The following DNMT3B variants were observed in gnomAD, a reference collection of about 807,000 sequenced individuals.
DNMT3B encodes the protein DNA (cytosine-5)-methyltransferase 3B.
DNMT3B carries 37 observed loss-of-function variants against 120.2 expected under a neutral mutation model. The ratio of observed to expected loss-of-function variants is 0.31; its 90% CI spans 0.24 to 0.40. The LOEUF is 0.40. Ranked by LOEUF, DNMT3B falls within the 10% of genes least tolerant of loss-of-function variation. DNMT3B has a pLI of 1.00. For missense variants in DNMT3B, 878 were observed against 1,137.3 expected (o/e 0.77, Z 3.28); for synonymous variants, 412 against 442.8 (o/e 0.93, Z 0.87).
chr20:32,781,005 A>G lies in DNMT3B; in HGVS notation c.143-348A>G, dbSNP rs555374682. Among the ~76,000 whole-genome samples the G allele has an allele frequency of 3.3e-5, 5 of 152,324 alleles. No individual in the cohort carries two copies. The South Asian group carries it at 1.0e-3, about 32-fold the overall frequency. ...CCACAATAGCCACACTCTACATGGG[A>G]GCACTTGAGAAGCGGCTGACACAGC... On this transcript the variant is annotated intron_variant, in intron 2 of 22. Coordinates refer to ENST00000328111, the MANE Select transcript of DNMT3B (RefSeq NM_006892.4).
chr20:32,765,422 C>CTTTTTTTT lies in DNMT3B; in HGVS notation c.-7+2726_-7+2727insTTTTTTTT, dbSNP rs201623266. Reference sequence around the variant, plus strand: ...GTGAGCATTTTCTTTCTCTTTTTTTCTTTCTTTTTTTTTTTTTTGAGACAG... The same window carrying CTTTTTTTT: ...GTGAGCATTTTCTTTCTCTTTTTTTCTTTTTTTTTTTCTTTTTTTTTTTTTTGAGACAG... On this transcript the variant is annotated intron_variant, in intron 1 of 22. Coordinates refer to ENST00000328111, the MANE Select transcript of DNMT3B (RefSeq NM_006892.4). Among the ~76,000 whole-genome samples the CTTTTTTTT allele has an allele frequency of 7.4e-5, 9 of 121,308 alleles. 1 individual carries two copies. Among genetic ancestry groups the CTTTTTTTT allele is most frequent in the Non-Finnish European group, 9.7e-5 (6 of 61,856 alleles). 79.6% of individuals were successfully genotyped at this position (121,308 alleles called of 152,430 possible). A position where few individuals can be genotyped will look rare whatever the true frequency, so the allele number is the denominator to read the frequency against.
In DNMT3B at chr20:32,774,638, A is replaced by G. The variant is rs529174547; in HGVS notation, c.-6-5680A>G. Reference sequence around the variant, plus strand: ...CGAAAGAGTGAACGTTGTACCTGATAGGTGATTTTTCAACCCTTGCTCCTT... The same window carrying G: ...CGAAAGAGTGAACGTTGTACCTGATGGGTGATTTTTCAACCCTTGCTCCTT... On this transcript the variant is annotated intron_variant, in intron 1 of 22. Transcript: ENST00000328111. Among the ~76,000 whole-genome samples the G allele has an allele frequency of 4.7e-5, 7 of 149,976 alleles. No homozygotes were observed. In the East Asian group the frequency reaches 9.9e-4, roughly 21 times the overall value.
rs756372643 is a variant in DNMT3B, at chr20:32,786,567, C to T, written c.372C>T (p.Thr124=). Residue 124 remains threonine, a synonymous_variant, in exon 5 of 23, where the codon ACC becomes ACT. Coordinates refer to ENST00000328111, the MANE Select transcript of DNMT3B (RefSeq NM_006892.4). ...GGCACAGGCCTTCCCCACGTTCCAC[C>T]CGAGGCCGGCAGGGCCGCAACCATG... ...RERHRPSPRS[T]RGRQGRNHVD... 9 of 1,613,894 alleles carry T rather than the reference C, an allele frequency of 5.6e-6. No individual in the cohort carries two copies. In the Admixed American group the frequency reaches 1.3e-4, roughly 24 times the overall value.
intron 20 of DNMT3B, among the ~76,000 whole-genome samples, chr20:32,803,784 A>G (rs1298736288): frequency 6.6e-6 from 1 of 152,160 alleles, no homozygotes; most frequent in East Asian, 1.9e-4. Flanking sequence ...AGAGCACCCT[A>G]GGTGGGGTGG....
intron 1 of DNMT3B, among the ~76,000 whole-genome samples, chr20:32,774,217 C>CT (rs1162361432): frequency 2.9e-3 from 420 of 146,964 alleles, no homozygotes; most frequent in African/African-American, 8.7e-3. Flanking sequence ...TCTTTTTTTT[C>CT]TTTTTTTTTT....
intron 3 of DNMT3B, among the ~76,000 whole-genome samples, chr20:32,781,986 G>A (rs1978679687): frequency 6.6e-6 from 1 of 152,220 alleles, no homozygotes; most frequent in Non-Finnish European, 1.5e-5. Flanking sequence ...CCAAAGAGAA[G>A]CCATGAAGTG....
chr20:32,795,274 T>C (rs938557816), intron 10 of DNMT3B, 135 bp from the exon 11 acceptor site: 2 of 1,371,802 alleles, frequency 1.5e-6, no homozygotes, highest in African/African-American at 1.4e-5. Flanking sequence ...CAAGGGGCCA[T>C]ATACATTCAG....
chr20:32,802,292 T>C (rs1000429879), intron 19 of DNMT3B, 93 bp from the exon 20 acceptor site: 2 of 1,338,062 alleles, frequency 1.5e-6, no homozygotes, highest in African/African-American at 1.4e-5. Context: ...GCCTCATCCA[T>C]AGTCAGGGAA....
intron 14 of DNMT3B, among the ~76,000 whole-genome samples, chr20:32,798,009 G>A (rs999530658): frequency 3.2e-4 from 48 of 152,008 alleles, no homozygotes; most frequent in African/African-American, 1.1e-3. Flanking sequence ...TGTAATAAAC[G>A]CTGCCTCGGC....
chr20:32,778,510 A>G (rs556534119), intron 1 of DNMT3B, among the ~76,000 whole-genome samples: 2 of 152,314 alleles, frequency 1.3e-5, no homozygotes, highest in Middle Eastern at 3.4e-3. Flanking sequence ...CCACACAGGG[A>G]GTAGCAGCAG....
Position 32,787,368 on chromosome 20 carries a change from C to G in DNMT3B, c.571C>G (p.Leu191Val). The G allele has an allele frequency of 6.2e-7, 1 of 1,614,234 alleles. No homozygotes were observed. The highest frequency in any genetic ancestry group is 8.5e-7 in the Non-Finnish European group (1 of 1,180,050). The change falls in exon 6 of 23, where the codon CTA becomes GTA. Residue 191 changes from leucine (L) to valine (V), a missense_variant. By Grantham distance (32) the Leu-to-Val change is conservative (BLOSUM62 1). This residue lies in a region of DNMT3B where 287 missense variants were observed against 306.2 expected (regional missense o/e 0.94). Coordinates refer to ENST00000328111, the MANE Select transcript of DNMT3B (RefSeq NM_006892.4). ...GAGCAGCAGTACCCCCTACGCCCGC[C>G]TAGCCCAGGACAGCCAGCAGGGGGG... ...PQSSSTPYAR[L>V]AQDSQQGGME...
intron 8 of DNMT3B, among the ~76,000 whole-genome samples, 176 bp downstream of exon 8, chr20:32,791,884 T>G (rs1332180183): frequency 6.6e-6 from 1 of 152,118 alleles, no homozygotes; most frequent in East Asian, 1.9e-4. Context: ...AACAAAGGGA[T>G]TTGAGACATC....
At chr20:32,775,771 A>G (rs1327656348) in intron 1 of DNMT3B, among the ~76,000 whole-genome samples, 3 of 152,232 alleles carry the variant, frequency 2.0e-5, no homozygotes, top group Admixed American at 1.3e-4. Flanking sequence ...CATTGTTCAT[A>G]ACTTCTGTAA....
chr20:32,801,530 C>T (rs1236189972), intron 19 of DNMT3B, 104 bp downstream of exon 19: 38 of 1,484,922 alleles, frequency 2.6e-5, no homozygotes, highest in Non-Finnish European at 3.4e-5. Flanking sequence ...ATGACTTTCC[C>T]GTTCTTGGTC....
chr20:32,782,969 C>T (rs1473073636), intron 3 of DNMT3B, among the ~76,000 whole-genome samples: 2 of 152,094 alleles, frequency 1.3e-5, no homozygotes, highest in African/African-American at 4.8e-5. Flanking sequence ...GTTGCCCAGG[C>T]TGGAGTGCAA....
intron 1 of DNMT3B, among the ~76,000 whole-genome samples, chr20:32,778,103 C>T (rs1988157601): frequency 6.6e-6 from 1 of 152,206 alleles, no homozygotes; most frequent in African/African-American, 2.4e-5. Context: ...CTTTGGTAGG[C>T]TGAGGTGGGC....
rs543354565 is a variant in DNMT3B, at chr20:32,771,672, T to C, written c.-6-8646T>C. 4.5e-5 allele frequency among the ~76,000 whole-genome samples: 6 copies of C among 132,944 alleles called. No homozygotes were observed. In the South Asian group the frequency reaches 1.5e-3, roughly 33 times the overall value. 87.2% of individuals were successfully genotyped at this position (132,944 alleles called of 152,430 possible). ...AAAAAAAGGAGTGGTAAAGGATAAA[T>C]ACCAAACAAAAGTGAGCCTCAAAAC... is the stretch of plus-strand genomic sequence containing the variant. On this transcript the variant is annotated intron_variant, in intron 1 of 22. Transcript: ENST00000328111.
At chr20:32,774,433 G>T (rs1415192724) in intron 1 of DNMT3B, among the ~76,000 whole-genome samples, 3 of 150,292 alleles carry the variant, frequency 2.0e-5, no homozygotes, top group Non-Finnish European at 4.4e-5. Flanking sequence ...ATGGTCTCGA[G>T]CTCCTGACCT....
intron 11 of DNMT3B, 36 bp from the exon 12 acceptor site, chr20:32,795,614 C>G: frequency 6.2e-7 from 1 of 1,614,214 alleles, no homozygotes. Flanking sequence ...ACCCGGCTCC[C>G]TGACCTCATC....
Sources: allele counts gnomAD v4.1 joint callset (sites outside exome capture counted in the v4.1 genomes callset), GRCh38; gene constraint gnomAD v4.1.1; regional missense constraint gnomAD v4.1.1; transcripts MANE v1.5; gene names NCBI Gene and HGNC (gene_info 2026-07-23, HGNC 2026-07-21).